DCDC2: variants seen among roughly 807,000 people sequenced by gnomAD.
The protein encoded by DCDC2 is doublecortin domain containing 2.
A neutral mutation model predicts 50.2 loss-of-function variants in DCDC2; 40 were observed. That is an observed-to-expected ratio of 0.80 (90% CI 0.62 to 1.04). The LOEUF is 1.04. Ranked by LOEUF, DCDC2 falls within the 50% of genes least tolerant of loss-of-function variation. DCDC2 has a pLI of 0.00. For synonymous variants in DCDC2, 234 were observed against 210.6 expected (o/e 1.11, Z -0.96); for missense variants, 570 against 581.9 (o/e 0.98, Z 0.21).
intron 6 of DCDC2, among the ~76,000 whole-genome samples, chr6:24,279,420 C>T (rs1763423431): frequency 6.6e-6 from 1 of 151,864 alleles, no homozygotes; most frequent in Non-Finnish European, 1.5e-5. Flanking sequence ...CTAAAATTAA[C>T]AATTAAAAAA....
At position 24,183,803 on chromosome 6, in the gene DCDC2, C is replaced by T. The variant is rs563108133; in HGVS notation, c.1024-5171G>A. 3.9e-4 allele frequency among the ~76,000 whole-genome samples: 59 copies of T among 152,116 alleles called. 1 individual carries two copies. The South Asian group carries it at 0.011, about 30-fold the overall frequency. ...CAGAGCACAATAGGCAGGAAAGATG[C>T]GTAAACAAATCACATTACAATGTGG... On this transcript the variant is annotated intron_variant, in intron 8 of 9. Transcript: ENST00000378454.
rs1761011026 is a variant in DCDC2 at position 24,179,577 on chromosome 6, GAATA to G, written c.1024-949_1024-946del. Among the ~76,000 whole-genome samples the G allele has an allele frequency of 5.4e-5, 4 of 73,666 alleles. No individual in the cohort carries two copies. In the South Asian group the frequency reaches 1.5e-3, roughly 27 times the overall value. The allele number at this position is 73,666 out of a possible 152,430, so 48.3% of individuals were successfully genotyped here. ...AAAAAAAAAAAAAAAAAAAAAAAAA[GAATA>G]AATACTAAAGTATTTCATAAACCTT... On this transcript the variant is annotated intron_variant, in intron 8 of 9. Coordinates refer to ENST00000378454, the MANE Select transcript of DCDC2 (RefSeq NM_016356.5).
chr6:24,243,101 C>T (rs1762599132), intron 7 of DCDC2, among the ~76,000 whole-genome samples: 1 of 152,164 alleles, frequency 6.6e-6, no homozygotes, highest in Non-Finnish European at 1.5e-5. Context: ...CCAAACACAC[C>T]AGTGAGACAC....
intron 7 of DCDC2, among the ~76,000 whole-genome samples, chr6:24,250,410 C>T (rs1762772684): frequency 6.6e-6 from 1 of 152,120 alleles, no homozygotes; most frequent in African/African-American, 2.4e-5. Flanking sequence ...CTAGGGTGGG[C>T]CTGCTGTGCT....
chr6:24,198,483 C>T (rs1057192773), intron 8 of DCDC2, among the ~76,000 whole-genome samples: 1 of 152,226 alleles, frequency 6.6e-6, no homozygotes, highest in Admixed American at 6.5e-5. Flanking sequence ...CCGGATGCTA[C>T]ATTTTCCCCA....
At chr6:24,293,068 G>T (rs756966090) in intron 4 of DCDC2, among the ~76,000 whole-genome samples, 15 of 152,172 alleles carry the variant, frequency 9.9e-5, no homozygotes, top group Non-Finnish European at 1.5e-4. Context: ...GCCAAGATTT[G>T]ACTTGTTTCC....
chr6:24,300,949 A>C (rs912828829), intron 4 of DCDC2, among the ~76,000 whole-genome samples: 4 of 152,064 alleles, frequency 2.6e-5, no homozygotes, highest in Non-Finnish European at 4.4e-5. Context: ...CCACTAAATT[A>C]TTCTTTCTAT....
intron 7 of DCDC2, among the ~76,000 whole-genome samples, chr6:24,256,268 C>T (rs1277505863): frequency 8.0e-6 from 1 of 125,580 alleles, no homozygotes; most frequent in Non-Finnish European, 1.7e-5. Flanking sequence ...TTCTCAGATG[C>T]TGGACATTTT....
At chr6:24,206,979 T>C (rs1761728021) in intron 7 of DCDC2, among the ~76,000 whole-genome samples, 1 of 152,064 alleles carries the variant, frequency 6.6e-6, no homozygotes, top group Non-Finnish European at 1.5e-5. Context: ...TTCATAAGAA[T>C]AAACAGTGAT....
chr6:24,273,279 G>A (rs1265710222), intron 7 of DCDC2, among the ~76,000 whole-genome samples: 3 of 152,162 alleles, frequency 2.0e-5, no homozygotes, highest in Admixed American at 1.3e-4. Flanking sequence ...GACTCGGAAA[G>A]GCGGAAGGGT....
rs541445549 is a variant in DCDC2, at chr6:24,347,705, T to C, written c.348+5864A>G. On this transcript the variant is annotated intron_variant, in intron 2 of 9. Transcript: ENST00000378454. ...CCCTAGGACTGAGTATACTGAAGGA[T>C]AACTCTACTTGTTGCATGAATAGCA... 2.6e-5 allele frequency among the ~76,000 whole-genome samples: 4 copies of C among 152,296 alleles called. No individual in the cohort carries two copies. In the South Asian group the frequency reaches 8.3e-4, roughly 32 times the overall value.
At chr6:24,283,696 T>C (rs1336286308) in intron 6 of DCDC2, among the ~76,000 whole-genome samples, 2 of 152,108 alleles carry the variant, frequency 1.3e-5, no homozygotes, top group Non-Finnish European at 2.9e-5. Context: ...ATCTATAAAA[T>C]GCATGCATTC....
intron 6 of DCDC2, among the ~76,000 whole-genome samples, chr6:24,284,367 A>C (rs1309720895): frequency 6.6e-6 from 1 of 151,918 alleles, no homozygotes; most frequent in Non-Finnish European, 1.5e-5. Flanking sequence ...CAACACTTTG[A>C]GAGGCCGAGG....
intron 8 of DCDC2, among the ~76,000 whole-genome samples, chr6:24,197,793 T>C (rs1366097564): frequency 6.6e-6 from 1 of 152,118 alleles, no homozygotes; most frequent in Non-Finnish European, 1.5e-5. Context: ...AAAAAAAATA[T>C]CATATAGTAG....
At chr6:24,346,666 A>T (rs1478247932) in intron 2 of DCDC2, among the ~76,000 whole-genome samples, 2 of 151,910 alleles carry the variant, frequency 1.3e-5, no homozygotes, top group Non-Finnish European at 2.9e-5. Flanking sequence ...GGCATGGAGA[A>T]TCGCTTGAAC....
At chr6:24,307,833 G>A (rs1284567892) in intron 2 of DCDC2, among the ~76,000 whole-genome samples, 2 of 151,790 alleles carry the variant, frequency 1.3e-5, no homozygotes, top group Admixed American at 1.3e-4. Flanking sequence ...AGATCTACTA[G>A]ACTGAACGGG....
intron 2 of DCDC2, 24 bp downstream of exon 2, chr6:24,353,545 T>A: frequency 6.8e-7 from 1 of 1,468,010 alleles, no homozygotes; most frequent in Non-Finnish European, 9.4e-7. Context: ...TTTATTTGAA[T>A]TTTCAAAATA....
chr6:24,361,837 C>T (rs777134049), upstream of DCDC2, among the ~76,000 whole-genome samples: 14 of 152,158 alleles, frequency 9.2e-5, no homozygotes, highest in Non-Finnish European at 2.1e-4. Context: ...CCTCCCACTG[C>T]GGTATCTCCA....
In DCDC2 at chr6:24,357,791, G is replaced by A. The variant is rs367903367; in HGVS notation, c.-41C>T. On this transcript the variant is annotated 5_prime_UTR_variant, in exon 1 of 10. Transcript: ENST00000378454. Reference sequence around the variant, plus strand: ...CCGCCTCAGCTCGCTGCTTCGCGTCGGGAGGCACCTCCGCTGTCCCAGCGG... The same window carrying A: ...CCGCCTCAGCTCGCTGCTTCGCGTCAGGAGGCACCTCCGCTGTCCCAGCGG... The A allele has an allele frequency of 1.9e-6, 3 of 1,611,650 alleles. No individual in the cohort carries two copies. The highest frequency in any genetic ancestry group is 2.5e-6 in the Non-Finnish European group (3 of 1,179,142).
Sources: allele counts gnomAD v4.1 joint callset (sites outside exome capture counted in the v4.1 genomes callset), GRCh38; gene constraint gnomAD v4.1.1; transcripts MANE v1.5; gene names NCBI Gene and HGNC (gene_info 2026-07-23, HGNC 2026-07-21).